The following LGR5 variants were observed in gnomAD, a reference collection of about 807,000 sequenced individuals.
LGR5 encodes the protein leucine rich repeat containing G protein-coupled receptor 5, also known as leucine-rich repeat-containing G protein-coupled receptor 5.
LGR5 carries 54 observed loss-of-function variants against 76.7 expected under a neutral mutation model. The observed-to-expected ratio is 0.70, with a 90% confidence interval of 0.57 to 0.88. LGR5 has a LOEUF of 0.88. Among genes scored for constraint, LGR5 ranks in the 40% least tolerant of loss-of-function variants. LGR5 has a pLI of 0.00. For missense variants in LGR5, 1,078 were observed against 1,073.3 expected, an observed-to-expected ratio of 1.00 and a Z score of -0.06; for synonymous variants, 406 against 421.9, an observed-to-expected ratio of 0.96 and a Z score of 0.46.
chr12:71,568,909 T>G (rs12316885), intron 11 of LGR5, among the ~76,000 whole-genome samples: 7,500 of 152,286 alleles, frequency 0.049, 366 homozygotes, highest in African/African-American at 0.13. Flanking sequence ...CTTTCCCCAC[T>G]TACTAGCTGG....
chr12:71,556,511 A>G, intron 5 of LGR5, 108 bp from the exon 6 acceptor site: 1 of 765,448 alleles, frequency 1.3e-6, no homozygotes, highest in East Asian at 2.5e-5. Flanking sequence ...TTGGCTTCTT[A>G]TAAGTAGTGC....
At chr12:71,458,254 T>A (rs563455790) in intron 1 of LGR5, among the ~76,000 whole-genome samples, 10 of 152,216 alleles carry the variant, frequency 6.6e-5, no homozygotes, top group Admixed American at 2.0e-4. Context: ...TGCGCTAGGG[T>A]TCTTAGATAC....
intron 14 of LGR5, 24 bp from the exon 15 acceptor site, chr12:71,578,780 C>T: frequency 1.3e-6 from 2 of 1,579,120 alleles, no homozygotes; most frequent in Non-Finnish European, 1.7e-6. Flanking sequence ...GACTAAAAGC[C>T]AATTGTTGTT....
chr12:71,573,941 C>A lies in LGR5; in HGVS notation c.1208+1020C>A, dbSNP rs539410699. On this transcript the variant is annotated intron_variant, in intron 13 of 17. Transcript: ENST00000266674. ...AAAAAAAAAGTGTAAAAGGAAAATA[C>A]TTTTATTTTCCTTTTACTAAGGGTT... Among the ~76,000 whole-genome samples the A allele has an allele frequency of 7.2e-3, 1,089 of 150,710 alleles. 8 individuals carry two copies. Among genetic ancestry groups the A allele is most frequent in the African/African-American group, 0.02 (816 of 41,066 alleles).
At position 71,451,825 on chromosome 12, in the gene LGR5, T is replaced by G. The variant is rs545408567; in HGVS notation, c.212+11533T>G. On this transcript the variant is annotated intron_variant, in intron 1 of 17. Coordinates refer to ENST00000266674, the MANE Select transcript of LGR5 (RefSeq NM_003667.4). ...CTAGAGAGACTGCCCCTCCTAGGGC[T>G]AGGGAATTCCTGGAGATAGCAAATG... is the stretch of plus-strand genomic sequence containing the variant. Among the ~76,000 whole-genome samples, 243 of 152,296 alleles carry G rather than the reference T, an allele frequency of 1.6e-3. 1 individual carries two copies. Among genetic ancestry groups the G allele is most frequent in the African/African-American group, 5.5e-3 (227 of 41,568 alleles).
At chr12:71,449,511 G>T (rs989124223) in intron 1 of LGR5, among the ~76,000 whole-genome samples, 2 of 152,118 alleles carry the variant, frequency 1.3e-5, no homozygotes, top group African/African-American at 4.8e-5. Flanking sequence ...GATCTTAAAA[G>T]GTCTAGCGGC....
At chr12:71,439,222 A>C (rs187963346), upstream of LGR5, among the ~76,000 whole-genome samples, 3 of 152,266 alleles carry the variant, frequency 2.0e-5, no homozygotes, top group African/African-American at 7.2e-5. Flanking sequence ...TAGAGCTTTG[A>C]TTTTAGGGCA....
chr12:71,511,330 C>T (rs540132535), intron 2 of LGR5, among the ~76,000 whole-genome samples: 4 of 151,946 alleles, frequency 2.6e-5, no homozygotes, highest in Non-Finnish European at 5.9e-5. Flanking sequence ...TAAACTTGTT[C>T]TTTATGAGTT....
rs539026258 is a variant in LGR5, at chr12:71,475,228, CA to C, written c.213-29378del. Among the ~76,000 whole-genome samples the C allele has an allele frequency of 3.2e-3, 481 of 151,316 alleles. 2 individuals carry two copies. Among genetic ancestry groups the C allele is most frequent in the South Asian group, 5.0e-3 (24 of 4,798 alleles). Reference sequence around the variant, plus strand: ...ATATGGAATAATGACACAAAAATGACAAAAAAAAGTTGGCTATCAAGAAAGA... The same window carrying C: ...ATATGGAATAATGACACAAAAATGACAAAAAAAGTTGGCTATCAAGAAAGA... On this transcript the variant is annotated intron_variant, in intron 1 of 17. Coordinates refer to ENST00000266674, the MANE Select transcript of LGR5 (RefSeq NM_003667.4).
chr12:71,513,732 T>C (rs1875287405), intron 2 of LGR5, among the ~76,000 whole-genome samples: 2 of 152,208 alleles, frequency 1.3e-5, no homozygotes, highest in Admixed American at 6.5e-5. Flanking sequence ...ATGTGGCATA[T>C]TGAAAGTGCT....
chr12:71,509,659 T>C (rs371770343), intron 2 of LGR5, among the ~76,000 whole-genome samples: 2 of 152,166 alleles, frequency 1.3e-5, no homozygotes, highest in African/African-American at 4.8e-5. Flanking sequence ...ACAAGTTACA[T>C]TAAACTTAGC....
At chr12:71,516,214 A>C (rs1011340419) in intron 2 of LGR5, among the ~76,000 whole-genome samples, 14 of 151,964 alleles carry the variant, frequency 9.2e-5, no homozygotes, top group African/African-American at 3.4e-4. Context: ...GAACCGTTTC[A>C]TTTTTTTTAA....
At chr12:71,573,458 T>C (rs1034136582) in intron 13 of LGR5, among the ~76,000 whole-genome samples, 4 of 152,220 alleles carry the variant, frequency 2.6e-5, no homozygotes, top group African/African-American at 9.6e-5. Flanking sequence ...ATCACTTCTG[T>C]TGCTCAGGCA....
chr12:71,440,193 G>A lies in LGR5; in HGVS notation c.113G>A (p.Cys38Tyr). Reference sequence around the variant, plus strand: ...TTGCTGAGGGGCTGCCCCACACACTGTCATTGCGAGCCCGACGGCAGGATG... The same window carrying A: ...TTGCTGAGGGGCTGCCCCACACACTATCATTGCGAGCCCGACGGCAGGATG... ...GVLLRGCPTHCHCEPDGRMLL... is the reference protein window; with the variant it reads ...GVLLRGCPTHYHCEPDGRMLL... The change falls in exon 1 of 18, where the codon TGT becomes TAT. Residue 38 changes from cysteine to tyrosine, a missense_variant. By Grantham distance (194) the Cys-to-Tyr change is radical. Transcript: ENST00000266674. The surrounding 1 kb of genome is among the most constrained non-coding windows in gnomAD (Gnocchi z 5.3). 2 of 1,612,622 alleles carry A rather than the reference G, an allele frequency of 1.2e-6. No individual in the cohort carries two copies. The highest frequency in any genetic ancestry group is 1.7e-6 in the Non-Finnish European group (2 of 1,179,754).
At chr12:71,516,890 TA>T (rs1305741412) in intron 2 of LGR5, among the ~76,000 whole-genome samples, 2 of 152,162 alleles carry the variant, frequency 1.3e-5, no homozygotes, top group Non-Finnish European at 2.9e-5. Context: ...AAAAACTTTT[TA>T]AAATATTTTA....
chr12:71,558,410 TCTAC>T (rs1877886139), intron 6 of LGR5, among the ~76,000 whole-genome samples: 1 of 152,210 alleles, frequency 6.6e-6, no homozygotes, highest in South Asian at 2.1e-4. Flanking sequence ...CTCCCCTTCC[TCTAC>T]CTTGCCCAGG....
intron 2 of LGR5, among the ~76,000 whole-genome samples, chr12:71,511,612 C>T (rs776793766): frequency 6.6e-6 from 1 of 152,170 alleles, no homozygotes; most frequent in Non-Finnish European, 1.5e-5. Flanking sequence ...GCTTTATAAA[C>T]CACTTCCAGG....
At chr12:71,489,726 C>T (rs1338849881) in intron 1 of LGR5, among the ~76,000 whole-genome samples, 1 of 152,042 alleles carries the variant, frequency 6.6e-6, no homozygotes, top group Non-Finnish European at 1.5e-5. Flanking sequence ...AATAACACTC[C>T]AAAATCATGG....
At chr12:71,468,448 T>A (rs1186945440) in intron 1 of LGR5, among the ~76,000 whole-genome samples, 1 of 152,218 alleles carries the variant, frequency 6.6e-6, no homozygotes. Flanking sequence ...CCAAGGTGAA[T>A]GCTAAAGCCT....
Sources: gnomAD v4.1 joint callset for allele counts (sites outside exome capture counted in the v4.1 genomes callset) on GRCh38, gnomAD v4.1.1 for gene constraint, Gnocchi (gnomAD v3.1) non-coding constraint, MANE v1.5 for transcripts, NCBI Gene and HGNC (gene_info 2026-07-23, HGNC 2026-07-21) for gene names.